Variants in SDK1 observed in about 807,000 individuals in gnomAD.
The protein encoded by SDK1 is sidekick cell adhesion molecule 1, also known as protein sidekick-1.
SDK1 carries 157 observed loss-of-function variants against 245.5 expected under a neutral mutation model. The ratio of observed to expected loss-of-function variants is 0.64; its 90% CI spans 0.56 to 0.73. SDK1 has a LOEUF of 0.73. SDK1 is among the 30% of genes least tolerant of loss of function. SDK1 has a pLI of 0.00. For synonymous variants in SDK1, 1,647 were observed against 1,278.5 expected (o/e 1.29, Z -6.15); for missense variants, 3,583 against 3,002.3 (o/e 1.19, Z -4.52).
At position 3,691,723 on chromosome 7, in the gene SDK1, TGTGAATGC is replaced by T. The variant is rs534079880; in HGVS notation, c.713+49621_713+49628del. Among the ~76,000 whole-genome samples the T allele has an allele frequency of 3.5e-4, 54 of 152,308 alleles. 1 individual carries two copies. Among genetic ancestry groups the T allele is most frequent in the African/African-American group, 1.3e-3 (53 of 41,564 alleles). ...CCTTGCTGGAAGGTCTAGTTTCAGG[TGTGAATGC>T]GTAGAAGTCAGAGATTTAAAAAATA... On this transcript the variant is annotated intron_variant, in intron 4 of 44. Coordinates refer to ENST00000404826, the MANE Select transcript of SDK1 (RefSeq NM_152744.4).
chr7:3,857,322 A>G (rs1190820967), intron 5 of SDK1, among the ~76,000 whole-genome samples: 1 of 152,140 alleles, frequency 6.6e-6, no homozygotes, highest in African/African-American at 2.4e-5. Flanking sequence ...ACTGAAAAGA[A>G]AAAGGTATAG....
intron 5 of SDK1, among the ~76,000 whole-genome samples, chr7:3,929,306 G>A (rs953529181): frequency 7.2e-5 from 11 of 152,166 alleles, no homozygotes; most frequent in South Asian, 2.1e-4. Flanking sequence ...GACTTTGATC[G>A]CTTGGCCAGC....
chr7:3,798,833 AAATT>A (rs2115032528), intron 4 of SDK1, among the ~76,000 whole-genome samples: 1 of 152,254 alleles, frequency 6.6e-6, no homozygotes, highest in African/African-American at 2.4e-5. Flanking sequence ...CTACCACAAA[AAATT>A]AATTAAATTT....
chr7:3,890,678 G>A (rs554459414), intron 5 of SDK1, among the ~76,000 whole-genome samples: 1 of 151,682 alleles, frequency 6.6e-6, no homozygotes, highest in African/African-American at 2.4e-5. Context: ...GTGGTAGCTC[G>A]TGCCTGTAAT....
In SDK1 at chr7:4,267,211, T is replaced by A; in HGVS notation, c.*1827T>A. 1 of 898,256 alleles carries A rather than the reference T, an allele frequency of 1.1e-6. No individual in the cohort carries two copies. The highest frequency in any genetic ancestry group is 1.3e-6 in the Non-Finnish European group (1 of 752,106). 55.6% of individuals were successfully genotyped at this position (898,256 alleles called of 1,614,324 possible). A position where few individuals can be genotyped will look rare whatever the true frequency, so the allele number is the denominator to read the frequency against. On this transcript the variant is annotated 3_prime_UTR_variant, in exon 45 of 45. Transcript: ENST00000404826. ...TCCCCTCCTTCCTTTCCTTTACCCC[T>A]CCTTTCCTTCCTTCCTCCCTTCCTC...
intron 1 of SDK1, among the ~76,000 whole-genome samples, chr7:3,564,893 C>G (rs898011774): frequency 1.3e-5 from 2 of 151,912 alleles, no homozygotes; most frequent in East Asian, 1.9e-4. Flanking sequence ...TAACAGTGTA[C>G]ATTAAAAGAG....
chr7:4,012,110 A>G lies in SDK1; in HGVS notation c.2295A>G (p.Glu765=). The G allele has an allele frequency of 6.4e-7, 1 of 1,556,822 alleles. No homozygotes were observed. Among genetic ancestry groups the G allele is most frequent in the Non-Finnish European group, 8.7e-7 (1 of 1,153,018 alleles). ...SAETSRLMLP[E]EPPSAPPKNI... ...TTATTTATAGGTTGATGCTACCTGA[A>G]GAACCACCCAGTGCTCCCCCGAAAA... is the stretch of plus-strand genomic sequence containing the variant. Residue 765 remains glutamate, a synonymous_variant, in exon 16 of 45, where the codon GAA becomes GAG. Coordinates refer to ENST00000404826, the MANE Select transcript of SDK1 (RefSeq NM_152744.4).
chr7:3,630,486 G>A (rs1319929788), intron 2 of SDK1, among the ~76,000 whole-genome samples: 1 of 152,112 alleles, frequency 6.6e-6, no homozygotes, highest in East Asian at 1.9e-4. Flanking sequence ...AAAATTTAAG[G>A]TAGGATGGGC....
intron 30 of SDK1, among the ~76,000 whole-genome samples, chr7:4,154,915 C>A (rs527706525): frequency 6.6e-6 from 1 of 151,962 alleles, no homozygotes; most frequent in Non-Finnish European, 1.5e-5. Flanking sequence ...ATGGAGTCAC[C>A]AAAATCCATG....
At chr7:3,525,524 C>G (rs560229224) in intron 1 of SDK1, among the ~76,000 whole-genome samples, 1 of 152,236 alleles carries the variant, frequency 6.6e-6, no homozygotes, top group Non-Finnish European at 1.5e-5. Flanking sequence ...CCCAGCACCA[C>G]CAACCTGGAA....
chr7:3,958,287 A>T (rs1027447829), intron 7 of SDK1: 2 of 283,914 alleles, frequency 7.0e-6, no homozygotes. Flanking sequence ...AAATGTTGCA[A>T]TTGGCTCTCC....
intron 5 of SDK1, among the ~76,000 whole-genome samples, chr7:3,848,172 C>T (rs1016696573): frequency 1.3e-5 from 2 of 152,298 alleles, no homozygotes; most frequent in South Asian, 4.1e-4. Context: ...TAATATATTA[C>T]AAACTTCATA....
chr7:3,967,557 T>G, intron 10 of SDK1, 123 bp downstream of exon 10: 2 of 679,818 alleles, frequency 2.9e-6, no homozygotes, highest in South Asian at 3.7e-5. Flanking sequence ...GAAGATTAAA[T>G]AACTCTTATT....
intron 1 of SDK1, among the ~76,000 whole-genome samples, chr7:3,520,088 T>C (rs1782884453): frequency 6.6e-6 from 1 of 152,228 alleles, no homozygotes; most frequent in Non-Finnish European, 1.5e-5. Flanking sequence ...TTAATTCTGT[T>C]TTTGCCATTG....
chr7:4,005,126 A>G (rs1257346187), intron 14 of SDK1, among the ~76,000 whole-genome samples: 3 of 141,590 alleles, frequency 2.1e-5, no homozygotes, highest in African/African-American at 2.7e-5. Context: ...GCTCACTGCA[A>G]CCTCCATCTC....
chr7:4,089,810 G>T (rs1781673869), intron 22 of SDK1, among the ~76,000 whole-genome samples: 3 of 152,174 alleles, frequency 2.0e-5, no homozygotes, highest in Admixed American at 2.0e-4. Context: ...ATCCTACAGA[G>T]AATTCCCCTC....
At chr7:3,456,595 T>A (rs1188483095) in intron 1 of SDK1, among the ~76,000 whole-genome samples, 2 of 152,240 alleles carry the variant, frequency 1.3e-5, no homozygotes, top group Non-Finnish European at 2.9e-5. Context: ...TAGATTTTTT[T>A]GTTTTATTTT....
chr7:3,673,312 G>A (rs1783779481), intron 4 of SDK1, among the ~76,000 whole-genome samples: 1 of 152,184 alleles, frequency 6.6e-6, no homozygotes, highest in South Asian at 2.1e-4. Context: ...TCATTGGACG[G>A]AAAGATCGGA....
At chr7:3,941,717 T>C (rs975926127) in intron 5 of SDK1, among the ~76,000 whole-genome samples, 1 of 152,160 alleles carries the variant, frequency 6.6e-6, no homozygotes, top group Non-Finnish European at 1.5e-5. Flanking sequence ...GCTCTGTTCA[T>C]GTGGCTGCCA....
Sources: gnomAD v4.1 joint callset for allele counts (sites outside exome capture counted in the v4.1 genomes callset) on GRCh38, gnomAD v4.1.1 for gene constraint, MANE v1.5 for transcripts, NCBI Gene and HGNC (gene_info 2026-07-23, HGNC 2026-07-21) for gene names.